R3HDM1: variants seen among roughly 807,000 people sequenced by gnomAD.
R3HDM1 encodes the protein R3H domain containing 1, also known as R3H domain-containing protein 1.
R3HDM1 carries 46 observed loss-of-function variants against 141.1 expected under a neutral mutation model. The observed-to-expected ratio is 0.33, with a 90% confidence interval of 0.26 to 0.42. R3HDM1 has a LOEUF of 0.42. Ranked by LOEUF, R3HDM1 falls within the 10% of genes least tolerant of loss-of-function variation. The probability of loss-of-function intolerance (pLI) is 1.00; values close to 1 mark genes in which losing one functional copy is unlikely to be tolerated. For synonymous variants in R3HDM1, 435 were observed against 472.9 expected (o/e 0.92, Z 1.04); for missense variants, 1,184 against 1,368.3 (o/e 0.87, Z 2.12).
At chr2:135,715,193 C>G (rs1265313012) in intron 23 of R3HDM1, among the ~76,000 whole-genome samples, 3 of 151,954 alleles carry the variant, frequency 2.0e-5, no homozygotes, top group Non-Finnish European at 4.4e-5. Context: ...ACTAAAAATA[C>G]AAAAAATTAG....
At chr2:135,683,976 A>G (rs1372197769) in intron 21 of R3HDM1, among the ~76,000 whole-genome samples, 1 of 152,048 alleles carries the variant, frequency 6.6e-6, no homozygotes, top group African/African-American at 2.4e-5. Flanking sequence ...ATACATACAT[A>G]CATACATACA....
intron 1 of R3HDM1, among the ~76,000 whole-genome samples, chr2:135,554,624 C>A (rs760197589): frequency 6.6e-6 from 1 of 152,200 alleles, no homozygotes; most frequent in Non-Finnish European, 1.5e-5. Context: ...GCATTCTCAT[C>A]AAGCTGTGGA....
At chr2:135,613,856 A>G (rs2060775765) in intron 3 of R3HDM1, among the ~76,000 whole-genome samples, 1 of 152,154 alleles carries the variant, frequency 6.6e-6, no homozygotes, top group Non-Finnish European at 1.5e-5. Flanking sequence ...CAGTACCTTG[A>G]TTTGTGTTTG....
chr2:135,724,004 T>C lies in R3HDM1; in HGVS notation c.3117T>C (p.Leu1039=), dbSNP rs748988219. 5 of 1,613,886 alleles carry C rather than the reference T, an allele frequency of 3.1e-6. No homozygotes were observed. Among genetic ancestry groups the C allele is most frequent in the South Asian group, 1.1e-5 (1 of 91,074 alleles). Residue 1039 remains leucine, a synonymous_variant, in exon 27 of 27, where the codon CTT becomes CTC. Coordinates refer to ENST00000683871, the MANE Select transcript of R3HDM1 (RefSeq NM_001378107.1). ...DGITRMEAEK[L]FGELFKIGAK... ...TAACTCGCATGGAAGCTGAAAAGCT[T>C]TTTGGGGAACTCTTTAAAATTGGCG...
intron 7 of R3HDM1, among the ~76,000 whole-genome samples, chr2:135,627,187 G>A (rs2062132227): frequency 6.6e-6 from 1 of 152,130 alleles, no homozygotes; most frequent in African/African-American, 2.4e-5. Flanking sequence ...CTAATTGCCA[G>A]CTATACCTGG....
rs1258007225 is a variant in R3HDM1 at position 135,700,018 on chromosome 2, T to C, written c.2460-9415T>C. Among the ~76,000 whole-genome samples, 6 of 152,218 alleles carry C rather than the reference T, an allele frequency of 3.9e-5. No individual in the cohort carries two copies. The East Asian group carries it at 1.2e-3, about 29-fold the overall frequency. ...CATATCAAGCCCATTTTTCTATAAA[T>C]CAGTCGGGATATTTAACAAAATGCA... On this transcript the variant is annotated intron_variant, in intron 21 of 26. Coordinates refer to ENST00000683871, the MANE Select transcript of R3HDM1 (RefSeq NM_001378107.1).
chr2:135,703,266 T>A (rs2074475245), intron 21 of R3HDM1, among the ~76,000 whole-genome samples: 2 of 152,212 alleles, frequency 1.3e-5, no homozygotes, highest in African/African-American at 4.8e-5. Flanking sequence ...ATCCTACCTA[T>A]TTATTAAATG....
At chr2:135,609,120 A>C (rs2105130733) in intron 3 of R3HDM1, among the ~76,000 whole-genome samples, 1 of 152,296 alleles carries the variant, frequency 6.6e-6, no homozygotes, top group East Asian at 1.9e-4. Flanking sequence ...CAAACCAGAG[A>C]GAGGCCAACA....
intron 1 of R3HDM1, among the ~76,000 whole-genome samples, chr2:135,563,242 A>C (rs1194205799): frequency 1.3e-5 from 2 of 152,190 alleles, no homozygotes; most frequent in Non-Finnish European, 2.9e-5. Context: ...CATATAATAT[A>C]ATTTTTGCTT....
chr2:135,577,017 T>TATA (rs1431989485), intron 1 of R3HDM1: 20 of 752,664 alleles, frequency 2.7e-5, no homozygotes, highest in Non-Finnish European at 2.7e-5. Context: ...CTATATAAAT[T>TATA]ATATCCAATA....
At chr2:135,611,498 C>T (rs1000585520) in intron 3 of R3HDM1, among the ~76,000 whole-genome samples, 2 of 152,126 alleles carry the variant, frequency 1.3e-5, no homozygotes, top group African/African-American at 2.4e-5. Context: ...AGCAATAACA[C>T]GATTCTATGG....
chr2:135,630,285 AAAAAAAAAAAAAAAAAAAAAAAAC>A (rs2062543235), intron 7 of R3HDM1, among the ~76,000 whole-genome samples: 1 of 140,864 alleles, frequency 7.1e-6, no homozygotes, highest in African/African-American at 2.8e-5. Context: ...CTCAACCAAA[AAAAAAAAAAAAAAAAAAAAAAAAC>A]AAAAAAAAAA....
At chr2:135,677,428 C>T (rs2105346865) in intron 20 of R3HDM1, among the ~76,000 whole-genome samples, 1 of 152,298 alleles carries the variant, frequency 6.6e-6, no homozygotes, top group East Asian at 1.9e-4. Flanking sequence ...CTGAAGCCTT[C>T]CTTTCTCAAA....
At chr2:135,627,520 TTACTGA>T (rs991201729) in intron 7 of R3HDM1, among the ~76,000 whole-genome samples, 9 of 152,122 alleles carry the variant, frequency 5.9e-5, no homozygotes, top group Non-Finnish European at 1.5e-5. Context: ...CCTGAAGGTG[TTACTGA>T]TAAAGATTAC....
intron 3 of R3HDM1, among the ~76,000 whole-genome samples, chr2:135,615,860 A>G (rs1222013622): frequency 1.3e-5 from 2 of 152,252 alleles, no homozygotes; most frequent in Admixed American, 6.5e-5. Flanking sequence ...AGAAGTCACC[A>G]TATAAGTTCC....
chr2:135,716,377 G>C (rs536549511), intron 24 of R3HDM1, among the ~76,000 whole-genome samples: 1 of 152,182 alleles, frequency 6.6e-6, no homozygotes, highest in South Asian at 2.1e-4. Flanking sequence ...TATGCCCTTG[G>C]TGTATAAAGA....
intron 1 of R3HDM1, among the ~76,000 whole-genome samples, chr2:135,602,191 CTCTCTT>C (rs1205743131): frequency 6.6e-6 from 1 of 151,884 alleles, no homozygotes; most frequent in Admixed American, 6.6e-5. Context: ...TCTTTTTTCT[CTCTCTT>C]TATCTATAGA....
chr2:135,637,274 T>C (rs1380957234), intron 11 of R3HDM1, among the ~76,000 whole-genome samples: 1 of 152,124 alleles, frequency 6.6e-6, no homozygotes, highest in East Asian at 1.9e-4. Flanking sequence ...GAAGTAACCT[T>C]ACAGGAGTGA....
intron 19 of R3HDM1, among the ~76,000 whole-genome samples, chr2:135,671,298 T>C (rs960511889): frequency 5.9e-5 from 9 of 151,970 alleles, no homozygotes; most frequent in African/African-American, 2.2e-4. Context: ...GGGAGTGTCA[T>C]TTTAATGAAA....
Sources: allele counts gnomAD v4.1 joint callset (sites outside exome capture counted in the v4.1 genomes callset), GRCh38; gene constraint gnomAD v4.1.1; transcripts MANE v1.5; gene names NCBI Gene and HGNC (gene_info 2026-07-23, HGNC 2026-07-21).